Variants in PPP4R3B observed in about 807,000 individuals in gnomAD.
PPP4R3B encodes serine/threonine-protein phosphatase 4 regulatory subunit 3B.
Under a neutral mutation model 95.4 loss-of-function variants are expected in PPP4R3B, and 52 were observed. That is an observed-to-expected ratio of 0.54 (90% CI 0.44 to 0.69). The LOEUF (loss-of-function observed/expected upper bound fraction) is 0.69, where lower values mean the gene tolerates loss of function less well. Ranked by LOEUF, PPP4R3B falls within the 30% of genes least tolerant of loss-of-function variation. PPP4R3B has a pLI of 0.00. For missense variants in PPP4R3B, 1,003 were observed against 1,005.9 expected (o/e 1.00, Z 0.04); for synonymous variants, 407 against 343.9 (o/e 1.18, Z -2.03).
intron 4 of PPP4R3B, among the ~76,000 whole-genome samples, chr2:55,589,380 T>C (rs1370492924): frequency 2.0e-5 from 3 of 152,130 alleles, no homozygotes; most frequent in East Asian, 3.9e-4. Context: ...AGGAAAACAG[T>C]AAAGGAGGCT....
chr2:55,570,849 T>C (rs951311072), intron 12 of PPP4R3B, among the ~76,000 whole-genome samples: 7 of 152,208 alleles, frequency 4.6e-5, no homozygotes, highest in East Asian at 1.9e-4. Context: ...TGTGGCAGGA[T>C]AAGAAATGGT....
Position 55,617,377 on chromosome 2 carries a change from C to A in PPP4R3B, c.-92G>T. 1 of 1,356,592 alleles carries A rather than the reference C, an allele frequency of 7.4e-7. No homozygotes were observed. The highest frequency in any genetic ancestry group is 9.6e-7 in the Non-Finnish European group (1 of 1,042,150). 84.0% of individuals were successfully genotyped at this position (1,356,592 alleles called of 1,614,324 possible). A position where few individuals can be genotyped will look rare whatever the true frequency, so the allele number is the denominator to read the frequency against. ...TAGGAGACGGTAAAGGCAGTAGTGG[C>A]GGTGGCGGCGGCGGCGGCTTCGGAG... On this transcript the variant is annotated 5_prime_UTR_variant, in exon 1 of 17. Transcript: ENST00000616407.
intron 12 of PPP4R3B, among the ~76,000 whole-genome samples, chr2:55,571,120 C>G (rs1176743623): frequency 6.6e-6 from 1 of 152,060 alleles, no homozygotes; most frequent in Non-Finnish European, 1.5e-5. Flanking sequence ...ACCAGCCTGG[C>G]CAACATGGTG....
intron 7 of PPP4R3B, among the ~76,000 whole-genome samples, chr2:55,583,740 T>G (rs1689732707): frequency 6.6e-6 from 1 of 152,340 alleles, no homozygotes; most frequent in Non-Finnish European, 1.5e-5. Context: ...TTAGCCCAAG[T>G]TGATTCTAAA....
In PPP4R3B at chr2:55,579,756, T is replaced by A; in HGVS notation, c.1391A>T (p.Asn464Ile). 6.2e-7 allele frequency: 1 copy of A among 1,606,550 alleles called. No individual in the cohort carries two copies. The highest frequency in any genetic ancestry group is 8.5e-7 in the Non-Finnish European group (1 of 1,177,196). ...ATGCATACAATGGTTGTAGAAAAAA[T>A]TTAGAAATTCACTTTTTTCGGTTTT... ...TNKTEKSEFL[N>I]FFYNHCMHVL... Residue 464 changes from asparagine (N) to isoleucine (I), a missense_variant, in exon 9 of 17, where the codon AAT becomes ATT. By Grantham distance (149) the Asn-to-Ile change is moderately radical. This residue lies in a region of PPP4R3B where 695 missense variants were observed against 686.2 expected (regional missense o/e 1.01). Coordinates refer to ENST00000616407, the MANE Select transcript of PPP4R3B (RefSeq NM_001122964.3).
At chr2:55,594,294 A>G (rs1691458337) in intron 4 of PPP4R3B, among the ~76,000 whole-genome samples, 1 of 107,816 alleles carries the variant, frequency 9.3e-6, no homozygotes, top group African/African-American at 2.9e-5. Context: ...TGCCCTCTGA[A>G]TCTAAAATAA....
chr2:55,573,737 C>T lies in PPP4R3B; in HGVS notation c.1647G>A (p.Glu549=), dbSNP rs1183035828. Residue 549 remains glutamate, a synonymous_variant, in exon 12 of 17, where the codon GAG becomes GAA. Coordinates refer to ENST00000616407, the MANE Select transcript of PPP4R3B (RefSeq NM_001122964.3). ...QTAQLLALIL[E]LLTFCVEHHT... ...GATGTTCCACACAAAATGTGAGTAA[C>T]TCTAAAATTAAGGCAAGTAGCTGTG... 6.5e-7 allele frequency: 1 copy of T among 1,537,890 alleles called. No individual in the cohort carries two copies. Among genetic ancestry groups the T allele is most frequent in the Admixed American group, 2.1e-5 (1 of 47,460 alleles).
At chr2:55,558,190 C>T (rs1235592443) in intron 16 of PPP4R3B, among the ~76,000 whole-genome samples, 2 of 151,952 alleles carry the variant, frequency 1.3e-5, no homozygotes, top group Non-Finnish European at 1.5e-5. Flanking sequence ...TGAATTTGAC[C>T]GTATGTGTGA....
At chr2:55,572,310 C>A (rs925940946) in intron 12 of PPP4R3B, among the ~76,000 whole-genome samples, 6 of 152,092 alleles carry the variant, frequency 3.9e-5, no homozygotes, top group Non-Finnish European at 5.9e-5. Flanking sequence ...TTAAAGTTAT[C>A]TGGAAAACAA....
intron 16 of PPP4R3B, among the ~76,000 whole-genome samples, chr2:55,552,440 C>T (rs1004074060): frequency 2.6e-5 from 4 of 152,192 alleles, no homozygotes; most frequent in Admixed American, 1.3e-4. Flanking sequence ...GTCGCCTGAG[C>T]TAGAGTACAG....
At chr2:55,615,798 G>A (rs925666980) in intron 1 of PPP4R3B, among the ~76,000 whole-genome samples, 6 of 134,638 alleles carry the variant, frequency 4.5e-5, no homozygotes, top group Non-Finnish European at 9.1e-5. Context: ...GGCAGAGGTT[G>A]CAGTAGCCCA....
In PPP4R3B at chr2:55,600,426, C is replaced by CAAAAAAAAA; in HGVS notation, c.298-1396_298-1388dup. Among the ~76,000 whole-genome samples, 24 of 22,186 alleles carry CAAAAAAAAA rather than the reference C, an allele frequency of 1.1e-3. 6 individuals carry two copies. The highest frequency in any genetic ancestry group is 1.3e-3 in the African/African-American group (8 of 6,200). The allele number at this position is 22,186 out of a possible 152,430, so 14.6% of individuals were successfully genotyped here. A position where few individuals can be genotyped will look rare whatever the true frequency, so the allele number is the denominator to read the frequency against. On this transcript the variant is annotated intron_variant, in intron 3 of 16. Transcript: ENST00000616407. ...GGGCAACGAGAGTGAAACTCTGTCT[C>CAAAAAAAAA]AAAAAAAAAAAAAAAAAAAAAAAAA...
At chr2:55,613,811 A>AAC in intron 2 of PPP4R3B, among the ~76,000 whole-genome samples, 1 of 74,912 alleles carries the variant, frequency 1.3e-5, no homozygotes, top group African/African-American at 1.3e-4. Context: ...AAATATGGTA[A>AAC]AAAAAAAAAA....
chr2:55,557,844 A>T (rs1166752701), intron 16 of PPP4R3B, among the ~76,000 whole-genome samples: 1 of 152,204 alleles, frequency 6.6e-6, no homozygotes, highest in Non-Finnish European at 1.5e-5. Context: ...ACATATGAAC[A>T]AGAAAAATGT....
chr2:55,565,449 G>A (rs1324109219), intron 13 of PPP4R3B, among the ~76,000 whole-genome samples: 1 of 152,002 alleles, frequency 6.6e-6, no homozygotes, highest in Non-Finnish European at 1.5e-5. Context: ...GGCTCTAAGA[G>A]AGGCTGGATG....
At position 55,617,442 on chromosome 2, in the gene PPP4R3B, G is replaced by C. The variant is rs1695124323; in HGVS notation, c.-157C>G. 1 of 897,448 alleles carries C rather than the reference G, an allele frequency of 1.1e-6. No individual in the cohort carries two copies. Among genetic ancestry groups the C allele is most frequent in the Non-Finnish European group, 1.6e-6 (1 of 644,148 alleles). The allele number at this position is 897,448 out of a possible 1,614,324, so 55.6% of individuals were successfully genotyped here. ...CATGGCTCCAAAGGTTCAGCCGCGA[G>C]AAGGGGTGACAAGAGCCACTGAGGC... On this transcript the variant is annotated 5_prime_UTR_variant, in exon 1 of 17. Transcript: ENST00000616407.
intron 13 of PPP4R3B, among the ~76,000 whole-genome samples, chr2:55,567,350 T>G (rs1687442118): frequency 6.6e-6 from 1 of 152,214 alleles, no homozygotes; most frequent in African/African-American, 2.4e-5. Flanking sequence ...TCTAACTTCC[T>G]GATCTCTTTA....
In PPP4R3B at chr2:55,588,901, T is replaced by C; in HGVS notation, c.977A>G (p.Asp326Gly). 6.2e-7 allele frequency: 1 copy of C among 1,610,626 alleles called. No individual in the cohort carries two copies. The change falls in exon 5 of 17, where the codon GAT (aspartate) becomes GGT (glycine). Residue 326 changes from aspartate (D) to glycine (G), a missense_variant. Around this residue, in one of 3 missense-constraint regions of PPP4R3B, gnomAD observed 695 missense variants for 686.2 expected, o/e 1.01. Transcript: ENST00000616407. ...VFAQLTDEATDDDKRRELVNF... is the reference protein window; with the variant it reads ...VFAQLTDEATGDDKRRELVNF... ...TACCAATTCACGCCGTTTATCATCATCTGTAGCCTCATCTGTTAATTGTGC... is the reference window on the plus strand; with the variant it reads ...TACCAATTCACGCCGTTTATCATCACCTGTAGCCTCATCTGTTAATTGTGC...
intron 15 of PPP4R3B, among the ~76,000 whole-genome samples, chr2:55,564,040 A>T (rs1170501819): frequency 6.6e-6 from 1 of 152,238 alleles, no homozygotes; most frequent in Admixed American, 6.5e-5. Flanking sequence ...AGCCAAGACT[A>T]TTCACAGAAA....
Sources: gnomAD v4.1 joint callset for allele counts (sites outside exome capture counted in the v4.1 genomes callset) on GRCh38, gnomAD v4.1.1 for gene constraint, gnomAD v4.1.1 regional missense constraint, MANE v1.5 for transcripts, NCBI Gene and HGNC (gene_info 2026-07-23, HGNC 2026-07-21) for gene names.